KCNQ5: variants seen among roughly 807,000 people sequenced by gnomAD.
The protein encoded by KCNQ5 is potassium voltage-gated channel subfamily Q member 5, also known as potassium voltage-gated channel subfamily KQT member 5.
Under a neutral mutation model 98.2 loss-of-function variants are expected in KCNQ5, and 30 were observed. The observed-to-expected ratio is 0.31, with a 90% CI of 0.23 to 0.41. The LOEUF is 0.41. Ranked by LOEUF, KCNQ5 falls within the 10% of genes least tolerant of loss-of-function variation. KCNQ5 has a pLI of 1.00. For missense variants in KCNQ5, 835 were observed against 1,182.5 expected (o/e 0.71, Z 4.31); for synonymous variants, 458 against 449.4 (o/e 1.02, Z -0.24).
At chr6:72,680,240 ATGTATT>A (rs1441370475) in intron 1 of KCNQ5, among the ~76,000 whole-genome samples, 2 of 151,990 alleles carry the variant, frequency 1.3e-5, no homozygotes, top group Non-Finnish European at 2.9e-5. Flanking sequence ...TTTTATCTCT[ATGTATT>A]TGCCTATTCT....
chr6:73,085,273 AC>A (rs1266933845), intron 5 of KCNQ5, among the ~76,000 whole-genome samples: 2 of 152,146 alleles, frequency 1.3e-5, no homozygotes, highest in East Asian at 3.9e-4. Flanking sequence ...CTTTCTGTTC[AC>A]ATCATGAAGC....
chr6:73,002,839 G>A lies in KCNQ5; in HGVS notation c.399-1069G>A, dbSNP rs528879304. Among the ~76,000 whole-genome samples the A allele has an allele frequency of 6.6e-5, 10 of 152,250 alleles. No individual in the cohort carries two copies. In the South Asian group the frequency reaches 1.9e-3, roughly 28 times the overall value. On this transcript the variant is annotated intron_variant, in intron 1 of 13. Transcript: ENST00000370398. ...CAGATTTGTCCTGTAGGCATAATTA[G>A]GCAAACTCTGGCTATACTGCCCAAA...
intron 1 of KCNQ5, among the ~76,000 whole-genome samples, chr6:72,794,349 A>G (rs76040646): frequency 0.018 from 2,612 of 142,002 alleles, 72 homozygotes; most frequent in African/African-American, 0.062. Context: ...AGGAGAGAGA[A>G]AAAAAAAAAA....
chr6:72,885,727 G>A (rs1778820925), intron 1 of KCNQ5, among the ~76,000 whole-genome samples: 1 of 152,198 alleles, frequency 6.6e-6, no homozygotes, highest in Admixed American at 6.5e-5. Flanking sequence ...TAGTGGCTGA[G>A]AGCTTAGATC....
At chr6:72,927,093 A>T (rs1379115711) in intron 1 of KCNQ5, among the ~76,000 whole-genome samples, 1 of 152,214 alleles carries the variant, frequency 6.6e-6, no homozygotes, top group Non-Finnish European at 1.5e-5. Context: ...CTCACAAAAC[A>T]TTGACACAAG....
At position 72,695,409 on chromosome 6, in the gene KCNQ5, A is replaced by G. The variant is rs914695955; in HGVS notation, c.398+72822A>G. Among the ~76,000 whole-genome samples, 4 of 152,142 alleles carry G rather than the reference A, an allele frequency of 2.6e-5. No homozygotes were observed. The East Asian group carries it at 5.8e-4, about 22-fold the overall frequency. On this transcript the variant is annotated intron_variant, in intron 1 of 13. Transcript: ENST00000370398. ...ATAAATATTCCCGTACTTTCCTCTT[A>G]TATAAAATGGTTCCACCATCTTGTC...
intron 1 of KCNQ5, among the ~76,000 whole-genome samples, chr6:72,779,957 C>T (rs964384493): frequency 2.0e-5 from 3 of 151,772 alleles, no homozygotes; most frequent in Admixed American, 1.3e-4. Flanking sequence ...AGCTGGGCAT[C>T]CCAAAGTGCT....
At chr6:72,889,920 A>G (rs1581963943) in intron 1 of KCNQ5, among the ~76,000 whole-genome samples, 1 of 152,176 alleles carries the variant, frequency 6.6e-6, no homozygotes, top group South Asian at 2.1e-4. Flanking sequence ...GCAGCCCTAT[A>G]TGCAGAAACC....
At chr6:73,055,275 C>T (rs1489619047) in intron 3 of KCNQ5, 70 of 1,359,716 alleles carry the variant, frequency 5.1e-5, no homozygotes, top group East Asian at 2.5e-4. Context: ...CAGAAGAGAG[C>T]GATCCCGACC....
At chr6:72,864,353 T>C (rs1204663243) in intron 1 of KCNQ5, among the ~76,000 whole-genome samples, 1 of 152,152 alleles carries the variant, frequency 6.6e-6, no homozygotes, top group Non-Finnish European at 1.5e-5. Context: ...AAAAACTAAA[T>C]TACTAAGTAC....
In KCNQ5 at chr6:73,194,613, T is replaced by C; in HGVS notation, c.1998T>C (p.Leu666=). The change falls in exon 14 of 14, where the codon CTT becomes CTC. Residue 666 remains leucine, a synonymous_variant. Transcript: ENST00000370398. ...DYQSPVDSKD[L]SGSAQNSGCL... ...AAAGCCCTGTGGATAGCAAAGATCT[T>C]TCGGGTTCCGCACAAAACAGTGGCT... 1 of 1,614,194 alleles carries C rather than the reference T, an allele frequency of 6.2e-7. No individual in the cohort carries two copies.
At chr6:72,806,863 GTTTTTC>G (rs1561996017) in intron 1 of KCNQ5, 3 of 445,786 alleles carry the variant, frequency 6.7e-6, no homozygotes, top group Admixed American at 4.9e-5. Flanking sequence ...TTTCAGTTTC[GTTTTTC>G]TCCCATATGA....
chr6:72,652,103 C>T (rs2154472435), intron 1 of KCNQ5, among the ~76,000 whole-genome samples: 1 of 152,026 alleles, frequency 6.6e-6, no homozygotes, highest in South Asian at 2.1e-4. Flanking sequence ...TTTTATCTTT[C>T]ATGGGATCTA....
chr6:73,164,514 TA>T (rs1777722606), intron 10 of KCNQ5, among the ~76,000 whole-genome samples: 1 of 152,222 alleles, frequency 6.6e-6, no homozygotes, highest in African/African-American at 2.4e-5. Flanking sequence ...GCCCTGTTCC[TA>T]AACAGGATGA....
At chr6:72,661,127 A>G (rs964939575) in intron 1 of KCNQ5, among the ~76,000 whole-genome samples, 3 of 152,054 alleles carry the variant, frequency 2.0e-5, no homozygotes, top group Admixed American at 6.6e-5. Context: ...CTCATTTTAT[A>G]TATATATAGA....
At chr6:72,720,132 C>T (rs944719142) in intron 1 of KCNQ5, among the ~76,000 whole-genome samples, 4 of 152,176 alleles carry the variant, frequency 2.6e-5, no homozygotes, top group Non-Finnish European at 4.4e-5. Flanking sequence ...TTCTGAGGAA[C>T]TGCAGGCACT....
chr6:72,746,302 C>T (rs890363669), intron 1 of KCNQ5, among the ~76,000 whole-genome samples: 7 of 152,106 alleles, frequency 4.6e-5, no homozygotes, highest in Non-Finnish European at 1.0e-4. Context: ...CTACCGATTG[C>T]CACCTTATTT....
chr6:73,183,674 A>G (rs969632350), intron 11 of KCNQ5, among the ~76,000 whole-genome samples: 1 of 152,164 alleles, frequency 6.6e-6, no homozygotes, highest in Non-Finnish European at 1.5e-5. Context: ...TTGGACACAA[A>G]TTTTCCTCTC....
chr6:72,669,182 T>G (rs767773793), intron 1 of KCNQ5, among the ~76,000 whole-genome samples: 2 of 152,170 alleles, frequency 1.3e-5, no homozygotes, highest in Non-Finnish European at 2.9e-5. Context: ...CAAGGTATGA[T>G]TCATCATGAG....
Sources: gnomAD v4.1 joint callset for allele counts (sites outside exome capture counted in the v4.1 genomes callset) on GRCh38, gnomAD v4.1.1 for gene constraint, MANE v1.5 for transcripts, NCBI Gene and HGNC (gene_info 2026-07-23, HGNC 2026-07-21) for gene names.